Variants in AP1G1 observed in about 807,000 individuals in gnomAD.
AP1G1 encodes the protein AP-1 complex subunit gamma-1.
AP1G1 carries 7 observed loss-of-function variants against 108.3 expected under a neutral mutation model. The ratio of observed to expected loss-of-function variants is 0.06; its 90% CI spans 0.04 to 0.12. AP1G1 has a LOEUF of 0.12. AP1G1 is among the 10% of genes least tolerant of loss of function. The pLI, the probability that AP1G1 is intolerant of heterozygous loss-of-function variation, is 1.00. For synonymous variants in AP1G1, 379 were observed against 353.5 expected (o/e 1.07, Z -0.81); for missense variants, 756 against 1,010.7 (o/e 0.75, Z 3.42).
At chr16:71,771,282 GTTTAT>G in intron 4 of AP1G1, 30 bp from the exon 5 acceptor site, 1 of 1,369,320 alleles carries the variant, frequency 7.3e-7, no homozygotes, top group South Asian at 1.4e-5. Context: ...AGAACAAAAG[GTTTAT>G]TTCAATTATG....
Position 71,758,882 on chromosome 16 carries a change from T to C in AP1G1, c.1014A>G (p.Thr338=). ...TGTGCCTCTGTACTGCATTATGATCTGTCTGTACAGTCTTCAACAAAGATG... is the reference window on the plus strand; with the variant it reads ...TGTGCCTCTGTACTGCATTATGATCCGTCTGTACAGTCTTCAACAAAGATG... ...ALTSLLKTVQ[T]DHNAVQRHRS... is the part of the protein sequence containing the mutation. The change falls in exon 11 of 23, where the codon ACA becomes ACG. Residue 338 remains threonine, a synonymous_variant. Transcript: ENST00000299980. 1.2e-6 allele frequency: 2 copies of C among 1,611,138 alleles called. No homozygotes were observed. The highest frequency in any genetic ancestry group is 1.7e-5 in the Admixed American group (1 of 59,042).
chr16:71,745,467 G>C lies in AP1G1; in HGVS notation c.1872+6C>G, dbSNP rs773143782. ...GCCCCAGATGAGCAAGTGAAAGGCT[G>C]GCTACCTGGCTGGTGGGCTGTGGCC... is the stretch of plus-strand genomic sequence containing the variant. On this transcript the variant is annotated splice_donor_region_variant and intron_variant, in intron 18 of 22. Coordinates refer to ENST00000299980, the MANE Select transcript of AP1G1 (RefSeq NM_001128.6). 3 of 1,614,138 alleles carry C rather than the reference G, an allele frequency of 1.9e-6. No individual in the cohort carries two copies. The highest frequency in any genetic ancestry group is 1.7e-4 in the Middle Eastern group (1 of 6,022).
chr16:71,794,835 C>CTTTTCTTTTTTTTTTTTTTTTTTTTT (rs2032522793), intron 1 of AP1G1, among the ~76,000 whole-genome samples: 1 of 39,658 alleles, frequency 2.5e-5, no homozygotes, highest in African/African-American at 1.0e-4. Flanking sequence ...ATGAGAAGTG[C>CTTTTCTTTTTTTTTTTTTTTTTTTTT]TTTTTTTTTT....
At chr16:71,804,408 A>ATTTTT (rs71153664) in intron 1 of AP1G1, among the ~76,000 whole-genome samples, 1 of 124,758 alleles carries the variant, frequency 8.0e-6, no homozygotes, top group Non-Finnish European at 1.6e-5. Context: ...TGCTCTCTTA[A>ATTTTT]TTTTTTTTTT....
chr16:71,779,367 T>C (rs1349337808), intron 2 of AP1G1, among the ~76,000 whole-genome samples: 1 of 151,700 alleles, frequency 6.6e-6, no homozygotes. Context: ...GGGGAGAGTC[T>C]CACTCTGACA....
chr16:71,748,468 A>G (rs1251054509), intron 15 of AP1G1, 90 bp from the exon 16 acceptor site: 8 of 1,412,448 alleles, frequency 5.7e-6, no homozygotes, highest in Non-Finnish European at 7.6e-6. Flanking sequence ...AAGCAGCCAG[A>G]AAGACAATCC....
At position 71,736,698 on chromosome 16, in the gene AP1G1, G is replaced by A. The variant is rs1390719133; in HGVS notation, c.2269-1991C>T. On this transcript the variant is annotated intron_variant, in intron 21 of 22. Transcript: ENST00000299980. ...CCTCCCGGGCTCACGCCATTCTCCC[G>A]CCTCAGCCTCCCAAGTAGCTGACAC... Among the ~76,000 whole-genome samples the A allele has an allele frequency of 2.7e-5, 4 of 149,288 alleles. No homozygotes were observed. In the East Asian group the frequency reaches 5.9e-4, roughly 22 times the overall value.
At chr16:71,740,751 A>C (rs965157428) in intron 19 of AP1G1, among the ~76,000 whole-genome samples, 2 of 152,370 alleles carry the variant, frequency 1.3e-5, no homozygotes, top group South Asian at 4.1e-4. Context: ...CAGGAATGGC[A>C]AACACCAATG....
At chr16:71,802,131 T>C (rs894844757) in intron 1 of AP1G1, among the ~76,000 whole-genome samples, 3 of 152,190 alleles carry the variant, frequency 2.0e-5, no homozygotes, top group Non-Finnish European at 4.4e-5. Context: ...TAAATGATTA[T>C]ACAGTTGTAC....
Position 71,732,905 on chromosome 16 carries a change from G to A in AP1G1, c.*153C>T, listed in dbSNP as rs1266040720. 2 of 611,860 alleles carry A rather than the reference G, an allele frequency of 3.3e-6. No individual in the cohort carries two copies. The highest frequency in any genetic ancestry group is 1.9e-5 in the African/African-American group (1 of 53,914). 37.9% of individuals were successfully genotyped at this position (611,860 alleles called of 1,614,324 possible). A position where few individuals can be genotyped will look rare whatever the true frequency, so the allele number is the denominator to read the frequency against. On this transcript the variant is annotated 3_prime_UTR_variant, in exon 23 of 23. Coordinates refer to ENST00000299980, the MANE Select transcript of AP1G1 (RefSeq NM_001128.6). ...ACATTAGTCTTTAACAATGCTTCAA[G>A]GTCAGCAGTAACTTTAGGAAAATCC... is the stretch of plus-strand genomic sequence containing the variant.
Position 71,729,443 on chromosome 16 carries a change from A to AC in AP1G1, c.*3614_*3615insG, listed in dbSNP as rs1050672282. On this transcript the variant is annotated 3_prime_UTR_variant, in exon 23 of 23. Coordinates refer to ENST00000299980, the MANE Select transcript of AP1G1 (RefSeq NM_001128.6). The stretch of plus-strand genomic sequence containing the variant: ...GTTCTTTGAGGGAAGAAAAAAAAAA[A>AC]AAAAAAAACCAACTCCAAGGCTCCA... The AC allele has an allele frequency of 1.3e-5, 2 of 151,904 alleles. No homozygotes were observed. The highest frequency in any genetic ancestry group is 2.9e-5 in the Non-Finnish European group (2 of 67,868). The allele number at this position is 151,904 out of a possible 1,614,324, so 9.4% of individuals were successfully genotyped here. A position where few individuals can be genotyped will look rare whatever the true frequency, so the allele number is the denominator to read the frequency against.
At chr16:71,756,311 C>A in intron 11 of AP1G1, 152 bp from the exon 12 acceptor site, 2 of 592,122 alleles carry the variant, frequency 3.4e-6, no homozygotes, top group Non-Finnish European at 2.8e-6. Flanking sequence ...ACGAAATAAC[C>A]AAGGAGATGT....
At chr16:71,794,240 T>C (rs1433453969) in intron 1 of AP1G1, among the ~76,000 whole-genome samples, 1 of 152,224 alleles carries the variant, frequency 6.6e-6, no homozygotes, top group Non-Finnish European at 1.5e-5. Flanking sequence ...ACCACTATGA[T>C]TGTGCTTCTG....
chr16:71,784,860 A>G (rs1335795173), intron 2 of AP1G1, among the ~76,000 whole-genome samples: 1 of 150,904 alleles, frequency 6.6e-6, no homozygotes, highest in African/African-American at 2.4e-5. Flanking sequence ...TGTCCATCCT[A>G]CCCCTTAAGT....
chr16:71,757,076 T>C (rs2030830834), intron 11 of AP1G1, among the ~76,000 whole-genome samples: 1 of 152,220 alleles, frequency 6.6e-6, no homozygotes, highest in Non-Finnish European at 1.5e-5. Flanking sequence ...GTTTAACATG[T>C]AAAAGCTGTA....
At chr16:71,751,923 T>C (rs959432778) in intron 13 of AP1G1, among the ~76,000 whole-genome samples, 20 of 152,130 alleles carry the variant, frequency 1.3e-4, no homozygotes, top group African/African-American at 4.6e-4. Flanking sequence ...AAATAACACA[T>C]GGGTCAAAAA....
rs1046891832 is a variant in AP1G1, at chr16:71,779,985, G to GT, written c.202-5394dup. On this transcript the variant is annotated intron_variant, in intron 2 of 22. Coordinates refer to ENST00000299980, the MANE Select transcript of AP1G1 (RefSeq NM_001128.6). ...TTTAAAAACAAAAAATTTTGTTTCA[G>GT]TTTTTTTTTGTTTTTTTTTTTTTTT... Among the ~76,000 whole-genome samples the GT allele has an allele frequency of 3.2e-3, 440 of 139,444 alleles. 4 individuals are homozygous for GT. The highest frequency in any genetic ancestry group is 0.011 in the African/African-American group (403 of 36,344). 91.5% of individuals were successfully genotyped at this position (139,444 alleles called of 152,430 possible). A position where few individuals can be genotyped will look rare whatever the true frequency, so the allele number is the denominator to read the frequency against.
intron 15 of AP1G1, among the ~76,000 whole-genome samples, chr16:71,749,676 A>G (rs2030381475): frequency 6.6e-6 from 1 of 152,060 alleles, no homozygotes; most frequent in South Asian, 2.1e-4. Flanking sequence ...TCTTTTGTAG[A>G]GACAGAGTTT....
In AP1G1 at chr16:71,749,611, G is replaced by A. The variant is rs796316306; in HGVS notation, c.1497+283C>T. Among the ~76,000 whole-genome samples, 7 of 152,012 alleles carry A rather than the reference G, an allele frequency of 4.6e-5. 1 individual carries two copies. Among genetic ancestry groups the A allele is most frequent in the African/African-American group, 1.7e-4 (7 of 41,458 alleles). On this transcript the variant is annotated intron_variant, in intron 15 of 22. Coordinates refer to ENST00000299980, the MANE Select transcript of AP1G1 (RefSeq NM_001128.6). ...ATTTTTTAAATTTTTTTGAGACAGG[G>A]TCTCACTCCTGAGTAGCTGGGACTA...
Sources: gnomAD v4.1 joint callset for allele counts (sites outside exome capture counted in the v4.1 genomes callset) on GRCh38, gnomAD v4.1.1 for gene constraint, MANE v1.5 for transcripts, NCBI Gene and HGNC (gene_info 2026-07-23, HGNC 2026-07-21) for gene names.